The following RAB38 variants were observed in gnomAD, a reference collection of about 807,000 sequenced individuals.
The protein encoded by RAB38 is ras-related protein Rab-38.
In RAB38, 15 loss-of-function variants were observed where a neutral mutation model predicts 18.4. The observed-to-expected ratio is 0.82, with a 90% CI of 0.55 to 1.26. RAB38 has a LOEUF of 1.26. RAB38 is among the 50% of genes most tolerant of loss of function. The pLI is 0.00. For missense variants in RAB38, 294 were observed against 267.4 expected, an observed-to-expected ratio of 1.10 and a Z score of -0.69; for synonymous variants, 101 against 104.4, an observed-to-expected ratio of 0.97 and a Z score of 0.20.
the RAB38 span, among the ~76,000 whole-genome samples, chr11:87,941,389 T>C: frequency 2.0e-5 from 3 of 151,524 alleles, no homozygotes; most frequent in South Asian, 6.3e-4. Flanking sequence ...CTGGAGCTAG[T>C]TGGAACATTT....
the RAB38 span, among the ~76,000 whole-genome samples, chr11:88,074,048 A>T: frequency 5.6e-5 from 3 of 54,000 alleles, no homozygotes; most frequent in East Asian, 2.3e-3. Context: ...AAATTCCCTA[A>T]AAAAAAAAAA....
the RAB38 span, among the ~76,000 whole-genome samples, chr11:87,963,447 C>T: frequency 1.1e-4 from 17 of 152,114 alleles, no homozygotes; most frequent in African/African-American, 3.9e-4. Flanking sequence ...TACCTTAAAT[C>T]CTATAAAATC....
At chr11:88,075,394 G>A in the RAB38 span, among the ~76,000 whole-genome samples, 1 of 152,004 alleles carries the variant, frequency 6.6e-6, no homozygotes, top group African/African-American at 2.4e-5. Flanking sequence ...AAAAAGAGGA[G>A]CCTCAGAAGA....
At chr11:87,874,251 T>C in the RAB38 span, among the ~76,000 whole-genome samples, 2 of 151,396 alleles carry the variant, frequency 1.3e-5, no homozygotes, top group Admixed American at 6.6e-5. Context: ...GTACCATTGT[T>C]TCACTTATTA....
At chr11:88,150,059 G>A in intron 1 of RAB38, 104 bp from the exon 2 acceptor site, 1 of 1,203,624 alleles carries the variant, frequency 8.3e-7, no homozygotes, top group South Asian at 1.5e-5. Flanking sequence ...TCAGTAAAGT[G>A]CTTCGTCTTT....
the RAB38 span, among the ~76,000 whole-genome samples, chr11:87,908,426 A>G: frequency 6.6e-6 from 1 of 151,982 alleles, no homozygotes; most frequent in African/African-American, 2.4e-5. Context: ...TGGTGAATAA[A>G]TTGGTATCTC....
At chr11:88,090,060 T>G in the RAB38 span, among the ~76,000 whole-genome samples, 1 of 151,914 alleles carries the variant, frequency 6.6e-6, no homozygotes, top group Non-Finnish European at 1.5e-5. Flanking sequence ...TAGGAGAAGA[T>G]TCCTTAGGAA....
At chr11:88,077,471 C>A in the RAB38 span, among the ~76,000 whole-genome samples, 1 of 151,962 alleles carries the variant, frequency 6.6e-6, no homozygotes, top group African/African-American at 2.4e-5. Flanking sequence ...ATAAATAGAA[C>A]AGAATGCAGA....
At chr11:87,941,214 G>GAGAGATATATATAT in the RAB38 span, among the ~76,000 whole-genome samples, 1 of 62,538 alleles carries the variant, frequency 1.6e-5, no homozygotes, top group Non-Finnish European at 2.8e-5. Context: ...AAATATATGA[G>GAGAGATATATATAT]ATATATATAT....
chr11:88,131,005 C>T (rs759577950), intron 2 of RAB38, among the ~76,000 whole-genome samples: 2 of 151,816 alleles, frequency 1.3e-5, no homozygotes, highest in African/African-American at 4.8e-5. Context: ...TCCCTTTGAT[C>T]TAGTAAATCT....
chr11:88,086,231 T>C, the RAB38 span, among the ~76,000 whole-genome samples: 2 of 151,948 alleles, frequency 1.3e-5, no homozygotes, highest in Admixed American at 1.3e-4. Flanking sequence ...ATTATACATA[T>C]TGTTTTAAGA....
chr11:87,939,805 T>G, the RAB38 span, among the ~76,000 whole-genome samples: 1 of 152,016 alleles, frequency 6.6e-6, no homozygotes, highest in African/African-American at 2.4e-5. Context: ...GGTGGGAGGA[T>G]CACTTGAGCC....
the RAB38 span, among the ~76,000 whole-genome samples, chr11:87,865,724 A>G: frequency 6.6e-6 from 1 of 151,842 alleles, no homozygotes; most frequent in South Asian, 2.1e-4. Context: ...GAAGGAAGGA[A>G]GAAAAGAAGA....
the RAB38 span, among the ~76,000 whole-genome samples, chr11:88,056,306 T>G: frequency 6.6e-6 from 1 of 152,140 alleles, no homozygotes; most frequent in African/African-American, 2.4e-5. Context: ...GAAGAAGATG[T>G]CTAACTGAGA....
chr11:87,856,698 TCTC>T, the RAB38 span, among the ~76,000 whole-genome samples: 8 of 152,066 alleles, frequency 5.3e-5, no homozygotes, highest in African/African-American at 1.7e-4. Flanking sequence ...TTCTTCTTCT[TCTC>T]CTCCTCCTTC....
At chr11:87,945,928 A>G in the RAB38 span, among the ~76,000 whole-genome samples, 69 of 152,220 alleles carry the variant, frequency 4.5e-4, no homozygotes, top group Non-Finnish European at 7.4e-4. Context: ...CAGATTTATT[A>G]TTTCTAATTT....
the RAB38 span, among the ~76,000 whole-genome samples, chr11:87,931,535 C>T: frequency 6.6e-6 from 1 of 151,976 alleles, no homozygotes; most frequent in Non-Finnish European, 1.5e-5. Flanking sequence ...TTTCAGAGGC[C>T]ACTGGCCACC....
intron 1 of RAB38, among the ~76,000 whole-genome samples, chr11:88,168,222 T>A (rs926026492): frequency 6.6e-6 from 1 of 152,178 alleles, no homozygotes; most frequent in Non-Finnish European, 1.5e-5. Context: ...TACTGTGGTA[T>A]TTAAATTGCA....
the RAB38 span, among the ~76,000 whole-genome samples, chr11:87,847,198 G>T: frequency 6.6e-6 from 1 of 151,928 alleles, no homozygotes; most frequent in Admixed American, 6.6e-5. Flanking sequence ...GATGGTAGAA[G>T]AAAGTAAGTA....
Sources: allele counts gnomAD v4.1 joint callset (sites outside exome capture counted in the v4.1 genomes callset), GRCh38; gene constraint gnomAD v4.1.1; transcripts MANE v1.5; gene names NCBI Gene and HGNC (gene_info 2026-07-23, HGNC 2026-07-21).